Variants in VPS8 observed in about 807,000 individuals in gnomAD.
VPS8 encodes VPS8 subunit of CORVET complex, also known as vacuolar protein sorting-associated protein 8 homolog.
VPS8 carries 129 observed loss-of-function variants against 216.4 expected under a neutral mutation model. That is an observed-to-expected ratio of 0.60 (90% CI 0.52 to 0.69). The LOEUF is 0.69. Among genes scored for constraint, VPS8 ranks in the 30% least tolerant of loss-of-function variants. The probability of loss-of-function intolerance (pLI) is 0.00; values close to 1 mark genes in which losing one functional copy is unlikely to be tolerated. For missense variants in VPS8, 1,531 were observed against 1,683.5 expected, an observed-to-expected ratio of 0.91 and a Z score of 1.59; for synonymous variants, 571 against 565.4, an observed-to-expected ratio of 1.01 and a Z score of -0.14.
intron 45 of VPS8, 32 bp downstream of exon 45, chr3:184,999,893 GGTCTT>G (rs1353387868): frequency 1.3e-6 from 2 of 1,577,912 alleles, no homozygotes; most frequent in Non-Finnish European, 8.6e-7. Context: ...AAATGGAAAT[GGTCTT>G]TTCTTACCAA....
intron 40 of VPS8, 85 bp from the exon 41 acceptor site, chr3:184,982,481 A>C: frequency 1.0e-6 from 1 of 955,830 alleles, no homozygotes. Context: ...CCTGTAAAAC[A>C]TCATGCTGAT....
intron 46 of VPS8, among the ~76,000 whole-genome samples, chr3:185,040,050 T>C (rs934250574): frequency 5.9e-5 from 9 of 152,146 alleles, no homozygotes; most frequent in African/African-American, 2.2e-4. Context: ...TACCAGGCTC[T>C]TTTAAACAAC....
At chr3:184,869,383 C>T (rs1727935506) in intron 19 of VPS8, 99 bp from the exon 20 acceptor site, 7 of 1,220,772 alleles carry the variant, frequency 5.7e-6, no homozygotes, top group Non-Finnish European at 8.2e-6. Context: ...ACAATTATAC[C>T]TGTTGTTTCA....
chr3:185,035,341 T>C (rs151325825), intron 46 of VPS8, among the ~76,000 whole-genome samples: 23 of 152,170 alleles, frequency 1.5e-4, no homozygotes, highest in African/African-American at 4.6e-4. Context: ...CTGATAAACA[T>C]AGATGCAAAA....
intron 45 of VPS8, among the ~76,000 whole-genome samples, chr3:185,013,498 G>A (rs982231131): frequency 6.6e-6 from 1 of 152,170 alleles, no homozygotes; most frequent in Admixed American, 6.5e-5. Context: ...GCTCCTTCAA[G>A]CACTCCAGTT....
rs1753120294 is a variant in VPS8 at position 184,999,584 on chromosome 3, CAG to C, written c.3837-111_3837-110del. 8.0e-6 allele frequency: 10 copies of C among 1,256,694 alleles called. No homozygotes were observed. The South Asian group carries it at 1.5e-4, about 18-fold the overall frequency. The allele number at this position is 1,256,694 out of a possible 1,614,324, so 77.8% of individuals were successfully genotyped here. The stretch of plus-strand genomic sequence containing the variant: ...CTTGTTTCTTACCCTGTACAGCCAT[CAG>C]TGCATTTCTACTTGTTAGAGATTTT... On this transcript the variant is annotated intron_variant, in intron 44 of 47. Transcript: ENST00000625842.
In VPS8 at chr3:184,824,679, CCAAGA is replaced by C; in HGVS notation, c.49_53del (p.Lys17GlufsTer7). On this transcript the variant is annotated frameshift_variant, in exon 2 of 48. Coordinates refer to ENST00000625842, the MANE Select transcript of VPS8 (RefSeq NM_001009921.3). LOFTEE classifies it high-confidence loss of function. ...GAAAATGTGGAACAGAGCCTCTGTG[CCAAGA>C]CGAGCGAAGAAGAGCTGAATAAGTC... The C allele has an allele frequency of 6.2e-7, 1 of 1,613,850 alleles. No individual in the cohort carries two copies. The highest frequency in any genetic ancestry group is 8.5e-7 in the Non-Finnish European group (1 of 1,179,858).
chr3:185,044,732 G>A (rs1201694144), intron 46 of VPS8, among the ~76,000 whole-genome samples: 1 of 152,042 alleles, frequency 6.6e-6, no homozygotes, highest in Non-Finnish European at 1.5e-5. Context: ...GAGACTTTCT[G>A]CCACATTTTC....
intron 39 of VPS8, among the ~76,000 whole-genome samples, chr3:184,971,010 T>G (rs1357060010): frequency 6.6e-6 from 1 of 152,210 alleles, no homozygotes; most frequent in Non-Finnish European, 1.5e-5. Flanking sequence ...AGATTATGAT[T>G]CCATTAACTT....
chr3:184,860,288 C>T (rs995644113), intron 15 of VPS8, among the ~76,000 whole-genome samples: 3 of 151,310 alleles, frequency 2.0e-5, no homozygotes, highest in Non-Finnish European at 2.9e-5. Context: ...GCTCAGTGAT[C>T]GCTCCTGTGA....
intron 45 of VPS8, among the ~76,000 whole-genome samples, chr3:185,015,688 A>G (rs1394443178): frequency 6.6e-6 from 1 of 152,244 alleles, no homozygotes; most frequent in South Asian, 2.1e-4. Context: ...GTTATCGAGA[A>G]TACCCACAAA....
intron 47 of VPS8, among the ~76,000 whole-genome samples, chr3:185,050,687 A>G (rs902509306): frequency 1.3e-5 from 2 of 152,226 alleles, no homozygotes; most frequent in African/African-American, 4.8e-5. Context: ...CCTGTCATGG[A>G]AAGACACTTG....
chr3:184,915,238 C>T (rs2109087467), intron 27 of VPS8, 117 bp from the exon 28 acceptor site: 2 of 1,387,912 alleles, frequency 1.4e-6, no homozygotes, highest in East Asian at 2.5e-5. Context: ...ACTTAAAATA[C>T]AGTAGCAATT....
Position 184,939,341 on chromosome 3 carries a change from A to G in VPS8, c.2989-856A>G, listed in dbSNP as rs561887180. On this transcript the variant is annotated intron_variant, in intron 35 of 47. Transcript: ENST00000625842. ...ATATTTTTAAATCATATTTTATATTAATCTTTTTCATCTTTAAGAGTCCCC... is the reference window on the plus strand; with the variant it reads ...ATATTTTTAAATCATATTTTATATTGATCTTTTTCATCTTTAAGAGTCCCC... 6.6e-5 allele frequency among the ~76,000 whole-genome samples: 10 copies of G among 152,146 alleles called. 1 individual carries two copies. The South Asian group carries it at 2.1e-3, about 32-fold the overall frequency.
At chr3:184,910,962 A>G (rs1736412788) in intron 25 of VPS8, among the ~76,000 whole-genome samples, 1 of 152,164 alleles carries the variant, frequency 6.6e-6, no homozygotes. Flanking sequence ...GGGGTGAATG[A>G]GTCATTTTAT....
At chr3:185,044,559 G>A (rs1429929227) in intron 46 of VPS8, among the ~76,000 whole-genome samples, 1 of 151,860 alleles carries the variant, frequency 6.6e-6, no homozygotes, top group Non-Finnish European at 1.5e-5. Flanking sequence ...TGCTGTGAAC[G>A]GTCACCATGT....
At chr3:184,900,889 T>A in intron 24 of VPS8, 32 bp from the exon 25 acceptor site, 3 of 1,563,264 alleles carry the variant, frequency 1.9e-6, no homozygotes, top group Non-Finnish European at 2.6e-6. Context: ...TTTGAGATGA[T>A]GATGATTGTT....
At chr3:184,988,956 A>G (rs1331313302) in intron 42 of VPS8, among the ~76,000 whole-genome samples, 1 of 152,218 alleles carries the variant, frequency 6.6e-6, no homozygotes, top group East Asian at 1.9e-4. Flanking sequence ...TTGCTGGCAT[A>G]TTGGAAACCA....
intron 25 of VPS8, among the ~76,000 whole-genome samples, chr3:184,901,946 T>G (rs1314747280): frequency 6.6e-6 from 1 of 152,216 alleles, no homozygotes; most frequent in African/African-American, 2.4e-5. Context: ...CACTTGATAC[T>G]GTCAGTGTTT....
Sources: allele counts gnomAD v4.1 joint callset (sites outside exome capture counted in the v4.1 genomes callset), GRCh38; gene constraint gnomAD v4.1.1; transcripts MANE v1.5; gene names NCBI Gene and HGNC (gene_info 2026-07-23, HGNC 2026-07-21).